RGS6: variants seen among roughly 807,000 people sequenced by gnomAD.
The protein encoded by RGS6 is regulator of G protein signaling 6.
In RGS6, 30 loss-of-function variants were observed where a neutral mutation model predicts 78.5. The ratio of observed to expected loss-of-function variants is 0.38; its 90% CI spans 0.29 to 0.52. The LOEUF (loss-of-function observed/expected upper bound fraction) is 0.52, where lower values mean the gene tolerates loss of function less well. RGS6 is among the 20% of genes least tolerant of loss of function. RGS6 has a pLI of 0.85. For missense variants in RGS6, 495 were observed against 609.7 expected, an observed-to-expected ratio of 0.81 and a Z score of 1.98; for synonymous variants, 206 against 206.0, an observed-to-expected ratio of 1.00 and a Z score of 0.00.
intron 2 of RGS6, among the ~76,000 whole-genome samples, chr14:72,113,487 G>A (rs962012603): frequency 6.6e-6 from 1 of 152,198 alleles, no homozygotes; most frequent in African/African-American, 2.4e-5. Flanking sequence ...GCTTCAACTG[G>A]AGCATCTCTG....
chr14:72,570,675 G>A (rs1252084428), downstream of RGS6, among the ~76,000 whole-genome samples: 1 of 152,124 alleles, frequency 6.6e-6, no homozygotes, highest in South Asian at 2.1e-4. Context: ...TAAACACAGT[G>A]CTGGAACAGA....
In RGS6 at chr14:72,110,752, G is replaced by T. The variant is rs75125461; in HGVS notation, c.84+145877G>T. 3.9e-3 allele frequency among the ~76,000 whole-genome samples: 589 copies of T among 152,338 alleles called. 1 individual carries two copies. Among genetic ancestry groups the T allele is most frequent in the Non-Finnish European group, 7.2e-3 (490 of 68,042 alleles). On this transcript the variant is annotated intron_variant, in intron 2 of 17. Transcript: ENST00000553525. Reference sequence around the variant, plus strand: ...GAAAACCAGAAATGTTTGGGGGAAAGAAGTTTTTGTCTGATCTTCTATATT... The same window carrying T: ...GAAAACCAGAAATGTTTGGGGGAAATAAGTTTTTGTCTGATCTTCTATATT...
chr14:72,105,497 A>G (rs17107306), intron 2 of RGS6, among the ~76,000 whole-genome samples: 7,144 of 152,264 alleles, frequency 0.047, 206 homozygotes, highest in Admixed American at 0.094. Context: ...TGCTATTTGC[A>G]TAACCAAGTT....
the RGS6 span, among the ~76,000 whole-genome samples, chr14:71,872,503 C>G: frequency 3.3e-5 from 5 of 152,070 alleles, no homozygotes; most frequent in Admixed American, 3.3e-4. Context: ...TCATCCCTTT[C>G]ATGTGGAAAC....
At chr14:72,161,764 G>T (rs894767683) in intron 2 of RGS6, among the ~76,000 whole-genome samples, 38 of 152,208 alleles carry the variant, frequency 2.5e-4, no homozygotes, top group African/African-American at 8.4e-4. Context: ...TTACAGCCAG[G>T]CTTGCTTGCA....
intron 13 of RGS6, among the ~76,000 whole-genome samples, chr14:72,501,789 G>T (rs2096730317): frequency 6.6e-6 from 1 of 152,222 alleles, no homozygotes; most frequent in East Asian, 1.9e-4. Flanking sequence ...CTCCCTCTCT[G>T]CTGGGTATCA....
intron 2 of RGS6, among the ~76,000 whole-genome samples, chr14:72,172,594 C>G (rs1480421079): frequency 6.6e-6 from 1 of 152,106 alleles, no homozygotes; most frequent in Admixed American, 6.5e-5. Flanking sequence ...GCAACTGCCA[C>G]TAATTGTGAT....
intron 2 of RGS6, among the ~76,000 whole-genome samples, chr14:72,245,966 C>G (rs549149274): frequency 6.6e-6 from 1 of 152,234 alleles, no homozygotes; most frequent in Non-Finnish European, 1.5e-5. Context: ...GTACCTTTCA[C>G]ATGATCTGCC....
chr14:72,441,918 C>T (rs1270167256), intron 3 of RGS6, among the ~76,000 whole-genome samples: 2 of 152,172 alleles, frequency 1.3e-5, no homozygotes, highest in Non-Finnish European at 2.9e-5. Context: ...CATAGACTGA[C>T]CTAGCAGTGC....
intron 12 of RGS6, among the ~76,000 whole-genome samples, chr14:72,492,416 C>A (rs2096590046): frequency 6.6e-6 from 1 of 152,142 alleles, no homozygotes. Flanking sequence ...CCAGGTAGGA[C>A]CTCTCTGGAA....
intron 2 of RGS6, among the ~76,000 whole-genome samples, chr14:72,304,616 C>G (rs2066827164): frequency 6.6e-6 from 1 of 152,158 alleles, no homozygotes; most frequent in Non-Finnish European, 1.5e-5. Context: ...GTGGCTCACA[C>G]CTGTAATTCC....
intron 2 of RGS6, among the ~76,000 whole-genome samples, chr14:72,145,461 C>T (rs1468611960): frequency 6.6e-6 from 1 of 152,152 alleles, no homozygotes; most frequent in Non-Finnish European, 1.5e-5. Context: ...CTTTCACCAT[C>T]ATAATTTCCT....
At chr14:72,405,031 C>G (rs1028917112) in intron 3 of RGS6, among the ~76,000 whole-genome samples, 3 of 152,094 alleles carry the variant, frequency 2.0e-5, no homozygotes, top group Non-Finnish European at 4.4e-5. Context: ...CTGAATGAGA[C>G]AAGGTTGCAG....
intron 3 of RGS6, among the ~76,000 whole-genome samples, chr14:72,428,520 C>T (rs2153146510): frequency 6.6e-6 from 1 of 152,234 alleles, no homozygotes; most frequent in East Asian, 1.9e-4. Flanking sequence ...CAGTGAGTGG[C>T]AAAGAGGAGG....
At chr14:72,440,992 G>A (rs2095173820) in intron 3 of RGS6, among the ~76,000 whole-genome samples, 3 of 152,048 alleles carry the variant, frequency 2.0e-5, no homozygotes, top group Admixed American at 1.3e-4. Flanking sequence ...TGTGCAGGTG[G>A]GTATGAGTTA....
rs577057386 is a variant in RGS6, at chr14:72,409,878, A to G, written c.185-44650A>G. ...GGTTTCCAGCTTCATCCATGTCCCT[A>G]CAAAGCACATGAACTCATCCTTTTT... On this transcript the variant is annotated intron_variant, in intron 3 of 17. Coordinates refer to ENST00000553525, the MANE Select transcript of RGS6 (RefSeq NM_001204424.2). Among the ~76,000 whole-genome samples, 441 of 152,252 alleles carry G rather than the reference A, an allele frequency of 2.9e-3. 1 individual carries two copies. The highest frequency in any genetic ancestry group is 4.9e-3 in the Admixed American group (75 of 15,292).
chr14:72,569,720 G>A (rs186529909), downstream of RGS6, among the ~76,000 whole-genome samples: 70 of 152,176 alleles, frequency 4.6e-4, no homozygotes, highest in East Asian at 9.5e-3. Flanking sequence ...GGGAGGGAAC[G>A]AATGAACAAG....
chr14:72,021,315 C>T (rs1388390513), intron 2 of RGS6, among the ~76,000 whole-genome samples: 5 of 152,144 alleles, frequency 3.3e-5, no homozygotes, highest in African/African-American at 1.2e-4. Context: ...ATCTTAGCTG[C>T]TAGTCTTGCT....
intron 3 of RGS6, among the ~76,000 whole-genome samples, chr14:72,380,013 A>G (rs1041824774): frequency 1.3e-5 from 2 of 152,116 alleles, no homozygotes; most frequent in African/African-American, 2.4e-5. Context: ...ATTAATCCAC[A>G]TATCTATAGC....
Sources: gnomAD v4.1 joint callset for allele counts (sites outside exome capture counted in the v4.1 genomes callset) on GRCh38, gnomAD v4.1.1 for gene constraint, MANE v1.5 for transcripts, NCBI Gene and HGNC (gene_info 2026-07-23, HGNC 2026-07-21) for gene names.